CEP85L: variants seen among roughly 807,000 people sequenced by gnomAD.
CEP85L encodes centrosomal protein 85L.
CEP85L carries 60 observed loss-of-function variants against 100.3 expected under a neutral mutation model. The ratio of observed to expected loss-of-function variants is 0.60; its 90% CI spans 0.49 to 0.74. CEP85L has a LOEUF of 0.74. Among genes scored for constraint, CEP85L ranks in the 30% least tolerant of loss-of-function variants. The probability of loss-of-function intolerance (pLI) is 0.00; values close to 1 mark genes in which losing one functional copy is unlikely to be tolerated. For synonymous variants in CEP85L, 319 were observed against 322.7 expected (o/e 0.99, Z 0.12); for missense variants, 973 against 936.2 (o/e 1.04, Z -0.51).
chr6:118,652,617 C>T, upstream of CEP85L: 2 of 1,512,360 alleles, frequency 1.3e-6, no homozygotes, highest in Non-Finnish European at 1.8e-6. Context: ...TTGCATTTTT[C>T]CCTTAAAGAC....
intron 1 of CEP85L, among the ~76,000 whole-genome samples, chr6:118,705,550 T>C (rs1777567902): frequency 6.6e-6 from 1 of 152,246 alleles, no homozygotes; most frequent in Non-Finnish European, 1.5e-5. Context: ...CAAGTCCCTC[T>C]TAACATTGTT....
intron 5 of CEP85L, among the ~76,000 whole-genome samples, chr6:118,508,420 T>C (rs1216070443): frequency 6.6e-6 from 1 of 152,126 alleles, no homozygotes; most frequent in Non-Finnish European, 1.5e-5. Context: ...GGGTCCTTCA[T>C]ATTTGGTTTA....
intron 2 of CEP85L, among the ~76,000 whole-genome samples, chr6:118,590,352 G>C (rs902152315): frequency 1.3e-5 from 2 of 152,152 alleles, no homozygotes; most frequent in Non-Finnish European, 1.5e-5. Context: ...GAGCCGGCAA[G>C]CTTTGATATG....
chr6:118,523,077 T>C (rs1407967098), intron 4 of CEP85L, among the ~76,000 whole-genome samples: 1 of 152,296 alleles, frequency 6.6e-6, no homozygotes, highest in South Asian at 2.1e-4. Context: ...TATGCAAGCA[T>C]ATGAAAATAA....
intron 3 of CEP85L, among the ~76,000 whole-genome samples, chr6:118,527,002 CTTTTTTTTTTT>C (rs764883723): frequency 2.0e-3 from 199 of 98,736 alleles, no homozygotes; most frequent in African/African-American, 7.8e-3. Context: ...TTTACTTTTT[CTTTTTTTTTTT>C]TTTTTTTTTT....
rs1186873725 is a variant in CEP85L at position 118,651,340 on chromosome 6, C to T, written c.-71G>A. 5 of 1,384,746 alleles carry T rather than the reference C, an allele frequency of 3.6e-6. No individual in the cohort carries two copies. Among genetic ancestry groups the T allele is most frequent in the South Asian group, 1.6e-5 (1 of 64,108 alleles). 85.8% of individuals were successfully genotyped at this position (1,384,746 alleles called of 1,614,324 possible). On this transcript the variant is annotated 5_prime_UTR_variant, in exon 1 of 13. Coordinates refer to ENST00000368491, the MANE Select transcript of CEP85L (RefSeq NM_001042475.3). ...GTCCGTCCTCCTGCTTCTTCGGCGG[C>T]GGAAACTTGCGCGGAGCGTGGGCCT...
At chr6:118,515,416 CA>C (rs1776215116) in intron 4 of CEP85L, among the ~76,000 whole-genome samples, 1 of 152,098 alleles carries the variant, frequency 6.6e-6, no homozygotes, top group African/African-American at 2.4e-5. Context: ...ATACTCCCCA[CA>C]AAAGACAAAA....
In CEP85L at chr6:118,494,591, G is replaced by A. The variant is rs552052466; in HGVS notation, c.1258-2726C>T. ...TCCTGCCATCCTGTCCCGCCTAAGG[G>A]TGGGGAAAGAAAAAATCTTAGAAAA... On this transcript the variant is annotated intron_variant, in intron 5 of 12. Transcript: ENST00000368491. Among the ~76,000 whole-genome samples the A allele has an allele frequency of 3.3e-5, 5 of 152,156 alleles. No homozygotes were observed. In the East Asian group the frequency reaches 9.7e-4, roughly 29 times the overall value.
chr6:118,523,848 T>C lies in CEP85L; in HGVS notation c.1093A>G (p.Lys365Glu). 6.2e-7 allele frequency: 1 copy of C among 1,607,650 alleles called. No individual in the cohort carries two copies. Residue 365 changes from lysine to glutamate, a missense_variant, in exon 4 of 13, where the codon AAA (lysine) becomes GAA (glutamate). By Grantham distance (56) the Lys-to-Glu change is moderately conservative (BLOSUM62 1). This residue lies in a region of CEP85L where 890 missense variants were observed against 844.5 expected (regional missense o/e 1.05). Coordinates refer to ENST00000368491, the MANE Select transcript of CEP85L (RefSeq NM_001042475.3). ...TGCCTTAGAAGTCCTTCTTTTATTT[T>C]CAACATTGATTCCCACTTACTGAAA... is the stretch of plus-strand genomic sequence containing the variant. ...QDFSKWESML[K>E]IKEGLLRQKE... is the part of the protein sequence containing the mutation.
intron 2 of CEP85L, among the ~76,000 whole-genome samples, chr6:118,586,730 C>T (rs751685661): frequency 2.0e-5 from 3 of 152,162 alleles, no homozygotes; most frequent in Admixed American, 6.5e-5. Context: ...CAGTCTCACC[C>T]CTACCTCAAC....
At chr6:118,621,132 A>G (rs1247277292) in intron 2 of CEP85L, among the ~76,000 whole-genome samples, 1 of 152,182 alleles carries the variant, frequency 6.6e-6, no homozygotes, top group Non-Finnish European at 1.5e-5. Flanking sequence ...ATAAAGGACC[A>G]GAGGATATTA....
At chr6:118,685,465 G>A (rs1018252689) in intron 1 of CEP85L, among the ~76,000 whole-genome samples, 15 of 152,096 alleles carry the variant, frequency 9.9e-5, no homozygotes, top group Non-Finnish European at 1.5e-5. Flanking sequence ...AATACTTTTT[G>A]TAATCAAATA....
intron 7 of CEP85L, among the ~76,000 whole-genome samples, chr6:118,482,497 TC>T (rs1415954910): frequency 6.6e-6 from 1 of 152,216 alleles, no homozygotes; most frequent in Non-Finnish European, 1.5e-5. Context: ...CAAAATGTCC[TC>T]CAGGTTAATC....
chr6:118,603,800 A>G (rs547325994), intron 2 of CEP85L, among the ~76,000 whole-genome samples: 7 of 152,376 alleles, frequency 4.6e-5, no homozygotes, highest in East Asian at 1.9e-4. Flanking sequence ...CTTGCACTTA[A>G]GAATACCTGC....
rs574293123 is a variant in CEP85L at position 118,622,585 on chromosome 6, G to A, written c.232+9868C>T. Among the ~76,000 whole-genome samples, 74 of 152,326 alleles carry A rather than the reference G, an allele frequency of 4.9e-4. 2 individuals carry two copies. In the South Asian group the frequency reaches 8.7e-3, roughly 18 times the overall value. The stretch of plus-strand genomic sequence containing the variant: ...GACCAGCACCCAGTTAGCAGAACTC[G>A]TGGCACTTACCTGAGCCTTAGAACT... On this transcript the variant is annotated intron_variant, in intron 2 of 12. Transcript: ENST00000368491.
intron 10 of CEP85L, among the ~76,000 whole-genome samples, chr6:118,476,102 T>A (rs73766509): frequency 0.027 from 4,120 of 152,296 alleles, 192 homozygotes; most frequent in African/African-American, 0.093. Context: ...CTTTCATGAT[T>A]CAAGTGAGCT....
At chr6:118,550,899 T>C (rs937288606) in intron 3 of CEP85L, among the ~76,000 whole-genome samples, 1 of 151,894 alleles carries the variant, frequency 6.6e-6, no homozygotes, top group Non-Finnish European at 1.5e-5. Flanking sequence ...CTGATCATTT[T>C]CAAAACCAGA....
At chr6:118,523,671 G>A (rs1490008383) in intron 4 of CEP85L, 131 bp downstream of exon 4, 4 of 481,136 alleles carry the variant, frequency 8.3e-6, no homozygotes, top group Middle Eastern at 1.1e-3. Context: ...TTGAGGAGGG[G>A]CAGAGATGTG....
chr6:118,678,796 G>A (rs1776557331), intron 1 of CEP85L, among the ~76,000 whole-genome samples: 2 of 152,180 alleles, frequency 1.3e-5, no homozygotes, highest in Non-Finnish European at 1.5e-5. Context: ...TCTGGGCATG[G>A]TGGCAGGTGC....
Sources: allele counts gnomAD v4.1 joint callset (sites outside exome capture counted in the v4.1 genomes callset), GRCh38; gene constraint gnomAD v4.1.1; regional missense constraint gnomAD v4.1.1; transcripts MANE v1.5; gene names NCBI Gene and HGNC (gene_info 2026-07-23, HGNC 2026-07-21).